The following CCDC134 variants were observed in gnomAD, a reference collection of about 807,000 sequenced individuals.
CCDC134 encodes coiled-coil domain-containing protein 134.
CCDC134 carries 27 observed loss-of-function variants against 25.6 expected under a neutral mutation model. That is an observed-to-expected ratio of 1.05 (90% CI 0.78 to 1.45). The LOEUF (loss-of-function observed/expected upper bound fraction) is 1.45, where lower values mean the gene tolerates loss of function less well. Among genes scored for constraint, CCDC134 ranks in the 40% most tolerant of loss-of-function variants. CCDC134 has a pLI of 0.00. For missense variants in CCDC134, 261 were observed against 286.7 expected, an observed-to-expected ratio of 0.91 and a Z score of 0.65; for synonymous variants, 110 against 115.0, an observed-to-expected ratio of 0.96 and a Z score of 0.28.
intron 6 of CCDC134, among the ~76,000 whole-genome samples, chr22:41,823,310 C>T (rs1012531226): frequency 6.6e-6 from 1 of 151,542 alleles, no homozygotes; most frequent in Non-Finnish European, 1.5e-5. Flanking sequence ...CTGCAACCCC[C>T]GCCTCCTGGG....
intron 6 of CCDC134, among the ~76,000 whole-genome samples, chr22:41,820,905 G>T (rs990291738): frequency 6.6e-6 from 1 of 152,160 alleles, no homozygotes; most frequent in African/African-American, 2.4e-5. Flanking sequence ...ACCAAAAGCC[G>T]TGAGACAGGA....
At chr22:41,817,512 G>T (rs1173439057) in intron 6 of CCDC134, among the ~76,000 whole-genome samples, 4 of 151,948 alleles carry the variant, frequency 2.6e-5, no homozygotes, top group Non-Finnish European at 4.4e-5. Context: ...CAGGCGGATT[G>T]CCTGAGGTCA....
rs2076671888 is a variant in CCDC134, at chr22:41,825,415, G to C, written c.565-283G>C. Among the ~76,000 whole-genome samples, 1 of 152,118 alleles carries C rather than the reference G, an allele frequency of 6.6e-6. No individual in the cohort carries two copies. The highest frequency in any genetic ancestry group is 1.5e-5 in the Non-Finnish European group (1 of 68,024). Reference sequence around the variant, plus strand: ...CACTCTACTCCCTCACCCTGGAGGAGTCTGTGTGTTGTTTCTCAGATGCCC... The same window carrying C: ...CACTCTACTCCCTCACCCTGGAGGACTCTGTGTGTTGTTTCTCAGATGCCC... On this transcript the variant is annotated intron_variant, in intron 6 of 6. Coordinates refer to ENST00000255784, the MANE Select transcript of CCDC134 (RefSeq NM_024821.5). The surrounding 1 kb of genome is among the most constrained non-coding windows in gnomAD (Gnocchi z 4.4).
rs2076586862 is a variant in CCDC134 at position 41,810,044 on chromosome 22, A to T, written c.225+44A>T. 7 of 1,611,226 alleles carry T rather than the reference A, an allele frequency of 4.3e-6. No individual in the cohort carries two copies. The African/African-American group carries it at 9.3e-5, about 21-fold the overall frequency. ...CAGCTCATGGCAGGTCCAGTCTTTG[A>T]TCTAGGCACTGATGGGTAAACAGGA... On this transcript the variant is annotated intron_variant, in intron 3 of 6. Coordinates refer to ENST00000255784, the MANE Select transcript of CCDC134 (RefSeq NM_024821.5).
At position 41,807,092 on chromosome 22, in the gene CCDC134, T is replaced by C. The variant is rs375107341; in HGVS notation, c.-16-1783T>C. Among the ~76,000 whole-genome samples, 4 of 152,210 alleles carry C rather than the reference T, an allele frequency of 2.6e-5. No individual in the cohort carries two copies. In the East Asian group the frequency reaches 7.7e-4, roughly 29 times the overall value. Reference sequence around the variant, plus strand: ...AAAACTAGTGCCTTCAACTGGGGAATACCTGGCTCTTAGTTAAAAGCATGA... The same window carrying C: ...AAAACTAGTGCCTTCAACTGGGGAACACCTGGCTCTTAGTTAAAAGCATGA... On this transcript the variant is annotated intron_variant, in intron 1 of 6. Transcript: ENST00000255784.
intron 6 of CCDC134, among the ~76,000 whole-genome samples, chr22:41,823,644 G>C (rs540685786): frequency 6.6e-6 from 1 of 152,300 alleles, no homozygotes; most frequent in Non-Finnish European, 1.5e-5. Flanking sequence ...TATCCATTTA[G>C]TCCCGTTCAG....
chr22:41,807,599 C>T (rs1427809079), intron 1 of CCDC134, among the ~76,000 whole-genome samples: 1 of 149,226 alleles, frequency 6.7e-6, no homozygotes, highest in Non-Finnish European at 1.5e-5. Context: ...TAACAAAAAA[C>T]ATTTAAGAGA....
At chr22:41,819,996 T>TATATATATATATATAG (rs1019930583) in intron 6 of CCDC134, among the ~76,000 whole-genome samples, 8 of 132,396 alleles carry the variant, frequency 6.0e-5, no homozygotes, top group African/African-American at 2.4e-4. Flanking sequence ...TATATATATA[T>TATATATATATATATAG]ATAATTTTTT....
rs1416798606 is a variant in CCDC134 at position 41,825,771 on chromosome 22, G to A, written c.638G>A (p.Arg213Gln). Residue 213 changes from arginine to glutamine, a missense_variant, in exon 7 of 7, where the codon CGG (arginine) becomes CAG (glutamine). Physicochemically the swap from Arg to Gln is conservative, Grantham distance 43 (BLOSUM62 1). Coordinates refer to ENST00000255784, the MANE Select transcript of CCDC134 (RefSeq NM_024821.5). The surrounding 1 kb of genome is among the most constrained non-coding windows in gnomAD (Gnocchi z 4.4). ...EEKRRKKEEK[R>Q]KEIRKGPRIS... ...AAACGCCGAAAGAAAGAGGAGAAGC[G>A]GAAGGAGATCCGAAAAGGCCCAAGG... 18 of 1,614,098 alleles carry A rather than the reference G, an allele frequency of 1.1e-5. No homozygotes were observed. The highest frequency in any genetic ancestry group is 4.5e-5 in the East Asian group (2 of 44,898).
At chr22:41,808,838 C>T in intron 1 of CCDC134, 37 bp from the exon 2 acceptor site, 1 of 1,492,098 alleles carries the variant, frequency 6.7e-7, no homozygotes, top group Non-Finnish European at 9.4e-7. Flanking sequence ...ACACCGATCT[C>T]TGAGTCTCAC....
rs763513100 is a variant in CCDC134 at position 41,809,898 on chromosome 22, G to T, written c.123G>T (p.Val41=). 1.2e-6 allele frequency: 2 copies of T among 1,614,160 alleles called. No homozygotes were observed. Among genetic ancestry groups the T allele is most frequent in the East Asian group, 4.5e-5 (2 of 44,884 alleles). The change falls in exon 3 of 7, where the codon GTG becomes GTT. Residue 41 remains valine (V), a synonymous_variant. Transcript: ENST00000255784. ...GCCCAGACAAGAAGATGTTTGAGGT[G>T]AAGCGGCGGGAGCAGCTGTTGGCAC... ...SLEIYKKMFE[V]KRREQLLALK... is the part of the protein sequence containing the mutation.
chr22:41,823,220 ATTTT>A (rs34103607), intron 6 of CCDC134, among the ~76,000 whole-genome samples: 4 of 127,454 alleles, frequency 3.1e-5, no homozygotes, highest in Admixed American at 8.1e-5. Context: ...CATTACCAGA[ATTTT>A]TTTTTTTTTT....
rs2076638305 is a variant in CCDC134, at chr22:41,819,460, C to T, written c.564+5638C>T. 2.6e-5 allele frequency among the ~76,000 whole-genome samples: 4 copies of T among 152,178 alleles called. No homozygotes were observed. In the South Asian group the frequency reaches 6.2e-4, roughly 24 times the overall value. ...AGGCAGGGCCTTCAGGGCAGAGGGA[C>T]GAACTTATGCAAAGGCTCAGATGCA... On this transcript the variant is annotated intron_variant, in intron 6 of 6. Coordinates refer to ENST00000255784, the MANE Select transcript of CCDC134 (RefSeq NM_024821.5).
intron 1 of CCDC134, among the ~76,000 whole-genome samples, chr22:41,807,257 T>A (rs2076572314): frequency 6.6e-6 from 1 of 152,022 alleles, no homozygotes; most frequent in Non-Finnish European, 1.5e-5. Flanking sequence ...ACAGCAGAGT[T>A]AGAACCAGAG....
intron 1 of CCDC134, among the ~76,000 whole-genome samples, chr22:41,801,582 T>C (rs1304847108): frequency 1.3e-5 from 2 of 152,180 alleles, no homozygotes; most frequent in African/African-American, 4.8e-5. Flanking sequence ...AATCTGAGTG[T>C]GAGACCTCTC....
rs1348977270 is a variant in CCDC134 at position 41,830,105 on chromosome 22, G to T, written c.*4282G>T. Among the ~76,000 whole-genome samples the T allele has an allele frequency of 6.6e-6, 1 of 152,184 alleles. No individual in the cohort carries two copies. The highest frequency in any genetic ancestry group is 1.5e-5 in the Non-Finnish European group (1 of 68,030). ...TTTTCAGATGAAGAGCTCAGGTTCT[G>T]AGGAGTGACTTGTCAAAAGCTGTTC... On this transcript the variant is annotated 3_prime_UTR_variant, in exon 7 of 7. Transcript: ENST00000255784.
intron 3 of CCDC134, 39 bp downstream of exon 3, chr22:41,810,039 C>T: frequency 1.2e-6 from 2 of 1,611,910 alleles, no homozygotes; most frequent in Non-Finnish European, 1.7e-6. Context: ...CAGGTCCAGT[C>T]TTTGATCTAG....
In CCDC134 at chr22:41,831,710, TGTTA is replaced by T. The variant is rs1473485784; in HGVS notation, c.*5891_*5894del. 2 of 152,366 alleles carry T rather than the reference TGTTA, an allele frequency of 1.3e-5. No homozygotes were observed. The highest frequency in any genetic ancestry group is 2.1e-4 in the South Asian group (1 of 4,828). The allele number at this position is 152,366 out of a possible 1,614,324, so 9.4% of individuals were successfully genotyped here. On this transcript the variant is annotated 3_prime_UTR_variant, in exon 7 of 7. Coordinates refer to ENST00000255784, the MANE Select transcript of CCDC134 (RefSeq NM_024821.5). ...TCTTGACAGCACAAGTCAGGGCCCT[TGTTA>T]GTTTCATCACATCCATTACCTTTCC...
chr22:41,801,410 G>A (rs1349013274), intron 1 of CCDC134, among the ~76,000 whole-genome samples: 2 of 152,116 alleles, frequency 1.3e-5, no homozygotes, highest in African/African-American at 4.8e-5. Flanking sequence ...AGCCAGCTCT[G>A]ATCTCAGGTA....
Sources: allele counts gnomAD v4.1 joint callset (sites outside exome capture counted in the v4.1 genomes callset), GRCh38; gene constraint gnomAD v4.1.1; non-coding constraint Gnocchi (gnomAD v3.1); transcripts MANE v1.5; gene names NCBI Gene and HGNC (gene_info 2026-07-23, HGNC 2026-07-21).